The following ABHD12 variants were observed in gnomAD, a reference collection of about 807,000 sequenced individuals.
ABHD12 encodes the protein abhydrolase domain containing 12, lysophospholipase.
In ABHD12, 43 loss-of-function variants were observed where a neutral mutation model predicts 58.3. The observed-to-expected ratio is 0.74, with a 90% confidence interval of 0.58 to 0.95. The LOEUF (loss-of-function observed/expected upper bound fraction) is 0.95. Ranked by LOEUF, ABHD12 falls within the 40% of genes least tolerant of loss-of-function variation. ABHD12 has a pLI of 0.00. For missense variants in ABHD12, 539 were observed against 537.2 expected (o/e 1.00, Z -0.03); for synonymous variants, 219 against 211.2 (o/e 1.04, Z -0.32).
intron 1 of ABHD12, among the ~76,000 whole-genome samples, chr20:25,352,297 T>C (rs967287190): frequency 2.7e-5 from 4 of 150,214 alleles, no homozygotes; most frequent in Admixed American, 6.6e-5. Context: ...TGGCCTTTTA[T>C]ATTATTTTTG....
At chr20:25,304,776 C>A (rs945075187) in intron 10 of ABHD12, among the ~76,000 whole-genome samples, 11 of 151,722 alleles carry the variant, frequency 7.3e-5, no homozygotes, top group African/African-American at 2.7e-4. Context: ...ACCATATTGG[C>A]CAGGATGGTC....
chr20:25,296,392 A>T, downstream of ABHD12: 1 of 1,614,094 alleles, frequency 6.2e-7, no homozygotes, highest in Non-Finnish European at 8.5e-7. Flanking sequence ...TGGACCAAGA[A>T]GGTCATCAGG....
intron 12 of ABHD12, among the ~76,000 whole-genome samples, chr20:25,301,254 C>T (rs1167729214): frequency 6.6e-6 from 1 of 152,194 alleles, no homozygotes; most frequent in Non-Finnish European, 1.5e-5. Context: ...GGTACCTGTG[C>T]TAAAGGGACA....
rs2089114479 is a variant in ABHD12 at position 25,323,320 on chromosome 20, C to T, written c.422+5G>A. 6.2e-7 allele frequency: 1 copy of T among 1,603,724 alleles called. No homozygotes were observed. The highest frequency in any genetic ancestry group is 8.5e-7 in the Non-Finnish European group (1 of 1,170,488). ...GGAGGGGCTGCAGAGCTCACTGGCA[C>T]TCACCAGACTCCAATGGTCACGTCT... On this transcript the variant is annotated splice_donor_5th_base_variant and intron_variant, in intron 3 of 12. Transcript: ENST00000339157.
downstream of ABHD12, chr20:25,297,014 C>T (rs2088557601): frequency 6.1e-6 from 1 of 164,914 alleles, no homozygotes; most frequent in Admixed American, 5.6e-5. Context: ...CCAGCCCTGC[C>T]TCCTGGCCAT....
At chr20:25,347,904 TAGAAAAAAAAAAAAAA>T (rs2089541361) in intron 1 of ABHD12, among the ~76,000 whole-genome samples, 1 of 148,008 alleles carries the variant, frequency 6.8e-6, no homozygotes, top group Admixed American at 6.7e-5. Context: ...GCTGTGGGTT[TAGAAAAAAAAAAAAAA>T]AGGAAAAAAG....
At position 25,314,360 on chromosome 20, in the gene ABHD12, T is replaced by TA. The variant is rs538371827; in HGVS notation, c.619+564dup. Among the ~76,000 whole-genome samples the TA allele has an allele frequency of 1.8e-3, 270 of 152,172 alleles. 1 individual carries two copies. The highest frequency in any genetic ancestry group is 6.3e-3 in the African/African-American group (262 of 41,524). On this transcript the variant is annotated intron_variant, in intron 6 of 12. Transcript: ENST00000339157. Reference sequence around the variant, plus strand: ...ATGTCTGACGTCCAGCTCTGCAGTCTAAAAAAGACAGTATCTTCTAATTTA... The same window carrying TA: ...ATGTCTGACGTCCAGCTCTGCAGTCTAAAAAAAGACAGTATCTTCTAATTTA...
chr20:25,322,381 A>ATATATATATATATATATATATATTTTT, intron 3 of ABHD12, among the ~76,000 whole-genome samples: 24 of 59,246 alleles, frequency 4.1e-4, no homozygotes, highest in African/African-American at 1.4e-3. Context: ...ATATATATAT[A>ATATATATATATATATATATATATTTTT]TTTTTTTTTT....
chr20:25,375,863 C>G, intron 1 of ABHD12, among the ~76,000 whole-genome samples: 1 of 152,214 alleles, frequency 6.6e-6, no homozygotes, highest in East Asian at 1.9e-4. Context: ...TGGCTCACAC[C>G]TGTAATCCCA....
chr20:25,316,738 G>C (rs1297444009), intron 5 of ABHD12, among the ~76,000 whole-genome samples: 1 of 152,212 alleles, frequency 6.6e-6, no homozygotes, highest in Non-Finnish European at 1.5e-5. Flanking sequence ...AGACCAGCCT[G>C]AGCAACATAG....
chr20:25,312,966 G>C (rs1183971010), intron 6 of ABHD12, among the ~76,000 whole-genome samples: 2 of 149,812 alleles, frequency 1.3e-5, no homozygotes, highest in Non-Finnish European at 3.0e-5. Context: ...AGGGAGGTGG[G>C]GGCCAGCCCC....
In ABHD12 at chr20:25,309,428, CCTGCTGGGGTCCCTTA is replaced by C; in HGVS notation, c.749+2_749+17del. The C allele has an allele frequency of 6.2e-7, 1 of 1,613,952 alleles. No homozygotes were observed. The highest frequency in any genetic ancestry group is 1.7e-5 in the Admixed American group (1 of 60,020). ...TACTGACTCCCACTAAAGGCTGCCTCCTGCTGGGGTCCCTTACCCAGTGCCCAGAGAGTGGCCCCAG... is the reference window on the plus strand; with the variant it reads ...TACTGACTCCCACTAAAGGCTGCCTCCCCAGTGCCCAGAGAGTGGCCCCAG... On this transcript the variant is annotated splice_donor_variant and splice_donor_5th_base_variant and intron_variant, in intron 7 of 12. Coordinates refer to ENST00000339157, the MANE Select transcript of ABHD12 (RefSeq NM_001042472.3). LOFTEE classifies it high-confidence loss of function.
chr20:25,338,800 T>C, intron 2 of ABHD12: 1 of 996,480 alleles, frequency 1.0e-6, no homozygotes, highest in South Asian at 4.5e-5. Context: ...CAAGGGCAGC[T>C]AGGCTCCTGG....
chr20:25,312,621 C>T (rs1298031474), intron 6 of ABHD12, among the ~76,000 whole-genome samples: 1 of 152,104 alleles, frequency 6.6e-6, no homozygotes, highest in Non-Finnish European at 1.5e-5. Flanking sequence ...AAGTGAGGAG[C>T]GTCTCCGCCT....
chr20:25,300,343 A>G lies in ABHD12; in HGVS notation c.*502T>C. ...GTGGGTGAGTGGGCCAGCCCAGGGG[A>G]GGTGGGGCAGCTGAGAAAGGCAAGC... On this transcript the variant is annotated 3_prime_UTR_variant, in exon 13 of 13. Coordinates refer to ENST00000339157, the MANE Select transcript of ABHD12 (RefSeq NM_001042472.3). 1 of 1,050,340 alleles carries G rather than the reference A, an allele frequency of 9.5e-7. No individual in the cohort carries two copies. Among genetic ancestry groups the G allele is most frequent in the Non-Finnish European group, 1.2e-6 (1 of 868,626 alleles). The allele number at this position is 1,050,340 out of a possible 1,614,324, so 65.1% of individuals were successfully genotyped here.
At chr20:25,308,312 G>T in intron 8 of ABHD12, 145 bp downstream of exon 8, 1 of 1,024,808 alleles carries the variant, frequency 9.8e-7, no homozygotes, top group African/African-American at 1.6e-5. Flanking sequence ...GGTGTATCAT[G>T]GGAAGGGTGG....
chr20:25,373,762 G>T (rs923543862), intron 1 of ABHD12, among the ~76,000 whole-genome samples: 1 of 151,878 alleles, frequency 6.6e-6, no homozygotes, highest in Non-Finnish European at 1.5e-5. Flanking sequence ...TTATGCAGGA[G>T]ATTAATTAAG....
At chr20:25,373,925 CATTT>C (rs964899265) in intron 1 of ABHD12, among the ~76,000 whole-genome samples, 19 of 151,678 alleles carry the variant, frequency 1.3e-4, no homozygotes, top group Non-Finnish European at 2.2e-4. Context: ...CATAGTGATG[CATTT>C]ATTTATTTAT....
chr20:25,300,467 G>T lies in ABHD12; in HGVS notation c.*378C>A, dbSNP rs2088614617. The T allele has an allele frequency of 8.2e-7, 1 of 1,225,896 alleles. No homozygotes were observed. The allele number at this position is 1,225,896 out of a possible 1,614,324, so 75.9% of individuals were successfully genotyped here. A position where few individuals can be genotyped will look rare whatever the true frequency, so the allele number is the denominator to read the frequency against. ...CCTGGACCCCACGTTCTCTGTGGGT[G>T]GTGCCAAAAAGCTCAGCATGGTCCC... On this transcript the variant is annotated 3_prime_UTR_variant, in exon 13 of 13. Transcript: ENST00000339157.
Sources: allele counts gnomAD v4.1 joint callset (sites outside exome capture counted in the v4.1 genomes callset), GRCh38; gene constraint gnomAD v4.1.1; transcripts MANE v1.5; gene names NCBI Gene and HGNC (gene_info 2026-07-23, HGNC 2026-07-21).